Variants in ZDHHC20 observed in about 807,000 individuals in gnomAD.
ZDHHC20 encodes palmitoyltransferase ZDHHC20.
ZDHHC20 carries 43 observed loss-of-function variants against 57.8 expected under a neutral mutation model. The ratio of observed to expected loss-of-function variants is 0.74; its 90% CI spans 0.58 to 0.96. The LOEUF (loss-of-function observed/expected upper bound fraction) is 0.96. Among genes scored for constraint, ZDHHC20 ranks in the 40% least tolerant of loss-of-function variants. The probability of loss-of-function intolerance (pLI) is 0.00; values close to 1 mark genes in which losing one functional copy is unlikely to be tolerated. For missense variants in ZDHHC20, 391 were observed against 441.1 expected (o/e 0.89, Z 1.02); for synonymous variants, 157 against 153.0 (o/e 1.03, Z -0.19).
Position 21,372,676 on chromosome 13 carries a change from A to G in ZDHHC20, c.*4020T>C, listed in dbSNP as rs1386041947. On this transcript the variant is annotated 3_prime_UTR_variant, in exon 13 of 13. Transcript: ENST00000400590. ...ATGTCAATGTAGGTTAGGCCAGCCA[A>G]AAGACAAAGCAAAGCATCAACATTA... 6.6e-6 allele frequency: 1 copy of G among 152,228 alleles called. No homozygotes were observed. The highest frequency in any genetic ancestry group is 2.4e-5 in the African/African-American group (1 of 41,470). The allele number at this position is 152,228 out of a possible 1,614,324, so 9.4% of individuals were successfully genotyped here.
chr13:21,381,821 T>G, intron 10 of ZDHHC20: 1 of 562,874 alleles, frequency 1.8e-6, no homozygotes, highest in South Asian at 1.6e-5. Context: ...TCTGAAATGT[T>G]CTTAATATGT....
intron 9 of ZDHHC20, among the ~76,000 whole-genome samples, chr13:21,386,185 C>T (rs966064669): frequency 1.3e-5 from 2 of 151,914 alleles, no homozygotes; most frequent in African/African-American, 2.4e-5. Flanking sequence ...CAAAATGAAA[C>T]ACAGAAAAAA....
At chr13:21,437,650 C>A (rs558937783) in intron 1 of ZDHHC20, among the ~76,000 whole-genome samples, 1 of 152,114 alleles carries the variant, frequency 6.6e-6, no homozygotes, top group South Asian at 2.1e-4. Context: ...AATGGAACAA[C>A]AAAACCTGGG....
At chr13:21,401,513 A>C (rs560755844) in intron 6 of ZDHHC20, 140 bp downstream of exon 6, 10 of 680,650 alleles carry the variant, frequency 1.5e-5, no homozygotes, top group Non-Finnish European at 2.4e-5. Flanking sequence ...AACTGTTTAC[A>C]TACAAATCTA....
rs1880578517 is a variant in ZDHHC20 at position 21,420,988 on chromosome 13, C to A, written c.249+73G>T. ...ACACATGCATTATGTAAAGTTTTAA[C>A]AAAGGTAACACAAGGGAAAAAAAAT... On this transcript the variant is annotated intron_variant, in intron 3 of 12. Transcript: ENST00000400590. 3 of 1,230,962 alleles carry A rather than the reference C, an allele frequency of 2.4e-6. No individual in the cohort carries two copies. The South Asian group carries it at 3.8e-5, about 16-fold the overall frequency. 76.3% of individuals were successfully genotyped at this position (1,230,962 alleles called of 1,614,324 possible). A position where few individuals can be genotyped will look rare whatever the true frequency, so the allele number is the denominator to read the frequency against.
intron 9 of ZDHHC20, among the ~76,000 whole-genome samples, chr13:21,386,750 T>C (rs1172542056): frequency 2.0e-5 from 3 of 152,210 alleles, no homozygotes; most frequent in Non-Finnish European, 4.4e-5. Context: ...GGTTTCACCA[T>C]GTTGGCCAGG....
chr13:21,424,740 G>A (rs928436099), intron 2 of ZDHHC20, among the ~76,000 whole-genome samples: 11 of 151,150 alleles, frequency 7.3e-5, no homozygotes, highest in Admixed American at 2.6e-4. Flanking sequence ...TGAGAGACAC[G>A]GTAAAAATAG....
intron 1 of ZDHHC20, among the ~76,000 whole-genome samples, chr13:21,426,174 CTA>C (rs1285866964): frequency 2.6e-5 from 4 of 152,158 alleles, no homozygotes; most frequent in African/African-American, 9.7e-5. Context: ...AGAAGTCAGA[CTA>C]CGCACAGAAA....
chr13:21,431,568 T>C (rs1283457683), intron 1 of ZDHHC20, among the ~76,000 whole-genome samples: 1 of 152,264 alleles, frequency 6.6e-6, no homozygotes, highest in Non-Finnish European at 1.5e-5. Context: ...TCAAAGTGGC[T>C]GTATTTGGCA....
rs138373213 is a variant in ZDHHC20 at position 21,434,680 on chromosome 13, C to A, written c.119-9002G>T. Among the ~76,000 whole-genome samples the A allele has an allele frequency of 2.8e-3, 420 of 152,230 alleles. 2 individuals carry two copies. The highest frequency in any genetic ancestry group is 9.8e-3 in the African/African-American group (408 of 41,530). ...ACTATTACCACCATCTTCCCTAAAT[C>A]CATATGATGATGACTTTTTGAAAAG... On this transcript the variant is annotated intron_variant, in intron 1 of 12. Transcript: ENST00000400590.
At chr13:21,382,486 A>AT in intron 10 of ZDHHC20, among the ~76,000 whole-genome samples, 1 of 152,216 alleles carries the variant, frequency 6.6e-6, no homozygotes. Context: ...AATGAAAAAA[A>AT]TTTGTATTTT....
intron 2 of ZDHHC20, 103 bp from the exon 3 acceptor site, chr13:21,421,267 ACAATT>A (rs1644020536): frequency 1.3e-6 from 1 of 795,668 alleles, no homozygotes; most frequent in South Asian, 1.6e-5. Context: ...AATCCAATAA[ACAATT>A]AAATTAAAAT....
At chr13:21,427,898 T>G (rs962124225) in intron 1 of ZDHHC20, among the ~76,000 whole-genome samples, 1 of 151,764 alleles carries the variant, frequency 6.6e-6, no homozygotes, top group Non-Finnish European at 1.5e-5. Flanking sequence ...CAGAGGACTT[T>G]CCTGACCACA....
At chr13:21,405,755 C>G (rs1233030774) in intron 4 of ZDHHC20, among the ~76,000 whole-genome samples, 1 of 152,100 alleles carries the variant, frequency 6.6e-6, no homozygotes, top group African/African-American at 2.4e-5. Flanking sequence ...TAGTATTTGT[C>G]TAATGATGGA....
At chr13:21,404,939 T>C (rs202241957) in intron 4 of ZDHHC20, among the ~76,000 whole-genome samples, 2 of 152,338 alleles carry the variant, frequency 1.3e-5, no homozygotes, top group East Asian at 1.9e-4. Context: ...CTATAGCTCA[T>C]AGAAAGCTCT....
At chr13:21,443,326 G>A (rs1883362330) in intron 1 of ZDHHC20, among the ~76,000 whole-genome samples, 1 of 152,008 alleles carries the variant, frequency 6.6e-6, no homozygotes, top group African/African-American at 2.4e-5. Flanking sequence ...CCAGATTACA[G>A]ACCTGTTTTC....
chr13:21,403,125 A>G (rs912400132), intron 4 of ZDHHC20, among the ~76,000 whole-genome samples: 7 of 152,190 alleles, frequency 4.6e-5, no homozygotes, highest in Non-Finnish European at 1.0e-4. Flanking sequence ...AATGACTCAT[A>G]CAAGGTCAAA....
Position 21,459,274 on chromosome 13 carries a change from C to T in ZDHHC20, c.-103G>A. The T allele has an allele frequency of 4.8e-6, 4 of 840,980 alleles. No homozygotes were observed. In the South Asian group the frequency reaches 7.7e-5, roughly 16 times the overall value. 52.1% of individuals were successfully genotyped at this position (840,980 alleles called of 1,614,324 possible). Reference sequence around the variant, plus strand: ...CTCCAGGCGGCTGCTGGTCCAGCTCCCCCGCCTCCGAGGCAGGACTTGTGG... The same window carrying T: ...CTCCAGGCGGCTGCTGGTCCAGCTCTCCCGCCTCCGAGGCAGGACTTGTGG... On this transcript the variant is annotated 5_prime_UTR_variant, in exon 1 of 13. Transcript: ENST00000400590.
Position 21,413,665 on chromosome 13 carries a change from T to C in ZDHHC20, c.357A>G (p.Thr119=). ...TCTTTTTCTTACTTTTTGAAGCTGATGTGGTATAGATAGGTAAAGCTCTTG... is the reference window on the plus strand; with the variant it reads ...TCTTTTTCTTACTTTTTGAAGCTGACGTGGTATAGATAGGTAAAGCTCTTG... The part of the protein sequence containing the change: ...RAARALPIYT[T]SASKTIRYCE... The change falls in exon 4 of 13, where the codon ACA becomes ACG. Residue 119 remains threonine, a synonymous_variant. Transcript: ENST00000400590. The C allele has an allele frequency of 6.3e-7, 1 of 1,593,416 alleles. No individual in the cohort carries two copies. Among genetic ancestry groups the C allele is most frequent in the Non-Finnish European group, 8.5e-7 (1 of 1,173,714 alleles).
Sources: allele counts gnomAD v4.1 joint callset (sites outside exome capture counted in the v4.1 genomes callset), GRCh38; gene constraint gnomAD v4.1.1; transcripts MANE v1.5; gene names NCBI Gene and HGNC (gene_info 2026-07-23, HGNC 2026-07-21).